The following BCL2 variants were observed in gnomAD, a reference collection of about 807,000 sequenced individuals.
BCL2 encodes BCL2 apoptosis regulator, also known as apoptosis regulator Bcl-2.
A neutral mutation model predicts 14.2 loss-of-function variants in BCL2; 1 was observed. The observed-to-expected ratio is 0.07, with a 90% confidence interval of 0.02 to 0.33. The LOEUF (loss-of-function observed/expected upper bound fraction) is 0.33. Among genes scored for constraint, BCL2 ranks in the 10% least tolerant of loss-of-function variants. The pLI is 0.99. For missense variants in BCL2, 247 were observed against 305.9 expected, an observed-to-expected ratio of 0.81 and a Z score of 1.44; for synonymous variants, 151 against 137.2, an observed-to-expected ratio of 1.10 and a Z score of -0.70.
chr18:63,268,901 A>C (rs1003392737), intron 2 of BCL2, among the ~76,000 whole-genome samples: 2 of 152,146 alleles, frequency 1.3e-5, no homozygotes, highest in African/African-American at 4.8e-5. Flanking sequence ...CCAATCCATG[A>C]AAGTATTAAA....
chr18:63,167,058 A>C (rs1915063701), intron 2 of BCL2, among the ~76,000 whole-genome samples: 1 of 152,184 alleles, frequency 6.6e-6, no homozygotes, highest in Non-Finnish European at 1.5e-5. Flanking sequence ...GGGATGTGGG[A>C]AAGGTGATGG....
intron 2 of BCL2, chr18:63,151,252 AC>A (rs1482082707): frequency 6.6e-6 from 1 of 151,804 alleles, no homozygotes; most frequent in African/African-American, 2.4e-5. Context: ...CTCCCCTAAC[AC>A]CAATCTACCC....
chr18:63,296,931 G>A (rs761388969), intron 2 of BCL2, among the ~76,000 whole-genome samples: 17 of 152,134 alleles, frequency 1.1e-4, no homozygotes, highest in Middle Eastern at 3.2e-3. Context: ...AATGGGAACC[G>A]GCCCCGCACG....
chr18:63,279,980 G>C (rs555226836), intron 2 of BCL2, among the ~76,000 whole-genome samples: 3 of 152,176 alleles, frequency 2.0e-5, no homozygotes, highest in Non-Finnish European at 2.9e-5. Context: ...ATTGTCAGGG[G>C]ACATGGCCTT....
intron 2 of BCL2, among the ~76,000 whole-genome samples, chr18:63,266,193 T>G (rs1419134668): frequency 1.3e-5 from 2 of 151,930 alleles, no homozygotes; most frequent in Admixed American, 1.3e-4. Flanking sequence ...ACTGATTAAA[T>G]AAACTATGGT....
intron 2 of BCL2, among the ~76,000 whole-genome samples, chr18:63,207,275 C>T (rs1363749633): frequency 1.3e-5 from 2 of 152,168 alleles, no homozygotes; most frequent in African/African-American, 4.8e-5. Context: ...GGCACCGGCT[C>T]ATCTAATTCA....
At chr18:63,154,085 G>A in intron 2 of BCL2, among the ~76,000 whole-genome samples, 1 of 152,140 alleles carries the variant, frequency 6.6e-6, no homozygotes, top group South Asian at 2.1e-4. Flanking sequence ...AAAGGGAACT[G>A]ATTACACCTT....
chr18:63,175,897 ATCT>A (rs1475164763), intron 2 of BCL2, among the ~76,000 whole-genome samples: 1 of 152,172 alleles, frequency 6.6e-6, no homozygotes, highest in Non-Finnish European at 1.5e-5. Flanking sequence ...TTTCACTGTA[ATCT>A]TCTCTGCTGC....
chr18:63,241,804 T>C (rs896323023), intron 2 of BCL2, among the ~76,000 whole-genome samples: 2 of 152,214 alleles, frequency 1.3e-5, no homozygotes, highest in African/African-American at 4.8e-5. Context: ...CCTGGCCTGA[T>C]TTGAGAGTGC....
intron 2 of BCL2, among the ~76,000 whole-genome samples, chr18:63,219,165 C>G (rs1330870986): frequency 6.6e-6 from 1 of 152,278 alleles, no homozygotes; most frequent in Non-Finnish European, 1.5e-5. Flanking sequence ...TTCTGATTCT[C>G]CAAATATGGC....
intron 2 of BCL2, among the ~76,000 whole-genome samples, chr18:63,192,768 C>G (rs961250014): frequency 6.6e-6 from 1 of 152,190 alleles, no homozygotes; most frequent in Non-Finnish European, 1.5e-5. Flanking sequence ...AGACTTAATA[C>G]AGCTTCTCAC....
At chr18:63,216,278 C>T (rs1165393199) in intron 2 of BCL2, among the ~76,000 whole-genome samples, 1 of 151,404 alleles carries the variant, frequency 6.6e-6, no homozygotes, top group Non-Finnish European at 1.5e-5. Context: ...AAGTGCTGAC[C>T]CCCAGCAAAA....
chr18:63,156,422 C>G (rs1914783955), intron 2 of BCL2, among the ~76,000 whole-genome samples: 1 of 152,288 alleles, frequency 6.6e-6, no homozygotes, highest in South Asian at 2.1e-4. Context: ...CCACGACATG[C>G]CAGCGGAAAC....
chr18:63,293,763 C>T (rs1341284715), intron 2 of BCL2, among the ~76,000 whole-genome samples: 5 of 152,132 alleles, frequency 3.3e-5, no homozygotes, highest in South Asian at 2.1e-4. Flanking sequence ...TAGCCAGCAA[C>T]GTGAAAAGTC....
chr18:63,211,063 CTTTTTT>C (rs59302545), intron 2 of BCL2, among the ~76,000 whole-genome samples: 15 of 59,166 alleles, frequency 2.5e-4, no homozygotes, highest in African/African-American at 1.1e-3. Context: ...CTTTTCATTT[CTTTTTT>C]TTTTTTTTTT....
intron 2 of BCL2, among the ~76,000 whole-genome samples, chr18:63,146,882 C>T (rs1914527456): frequency 1.3e-5 from 2 of 152,140 alleles, no homozygotes; most frequent in Non-Finnish European, 2.9e-5. Flanking sequence ...CTTGGTACAC[C>T]ACCTGAAGAA....
rs564344655 is a variant in BCL2, at chr18:63,254,420, G to C, written c.585+63662C>G. Among the ~76,000 whole-genome samples, 231 of 144,894 alleles carry C rather than the reference G, an allele frequency of 1.6e-3. 1 individual carries two copies. Among genetic ancestry groups the C allele is most frequent in the African/African-American group, 5.3e-3 (212 of 39,998 alleles). On this transcript the variant is annotated intron_variant, in intron 2 of 2. Coordinates refer to ENST00000333681, the MANE Select transcript of BCL2 (RefSeq NM_000633.3). ...AAAAAAAAAAAAAAAGCTGGGTGTGGTGGTGCACTCCTGTGATCTCAGCTA... is the reference window on the plus strand; with the variant it reads ...AAAAAAAAAAAAAAAGCTGGGTGTGCTGGTGCACTCCTGTGATCTCAGCTA...
chr18:63,164,540 G>A (rs1231943557), intron 2 of BCL2, among the ~76,000 whole-genome samples: 4 of 152,192 alleles, frequency 2.6e-5, no homozygotes, highest in Non-Finnish European at 5.9e-5. Flanking sequence ...GGAGGCAGTG[G>A]TTGGAAATGA....
intron 2 of BCL2, among the ~76,000 whole-genome samples, chr18:63,163,104 C>T (rs1914963532): frequency 6.6e-6 from 1 of 152,182 alleles, no homozygotes; most frequent in Non-Finnish European, 1.5e-5. Flanking sequence ...CCTCGGCCTC[C>T]CAAAGTGCTG....
Sources: allele counts gnomAD v4.1 joint callset (sites outside exome capture counted in the v4.1 genomes callset), GRCh38; gene constraint gnomAD v4.1.1; transcripts MANE v1.5; gene names NCBI Gene and HGNC (gene_info 2026-07-23, HGNC 2026-07-21).